EPAS1: variants seen among roughly 807,000 people sequenced by gnomAD.
EPAS1 encodes endothelial PAS domain-containing protein 1.
In EPAS1, 23 loss-of-function variants were observed where a neutral mutation model predicts 87.9. The observed-to-expected ratio is 0.26, with a 90% CI of 0.19 to 0.37. EPAS1 has a LOEUF of 0.37. Ranked by LOEUF, EPAS1 falls within the 10% of genes least tolerant of loss-of-function variation. The probability of loss-of-function intolerance (pLI) is 1.00; values close to 1 mark genes in which losing one functional copy is unlikely to be tolerated. For missense variants in EPAS1, 1,138 were observed against 1,120.7 expected, an observed-to-expected ratio of 1.02 and a Z score of -0.22; for synonymous variants, 508 against 444.3, an observed-to-expected ratio of 1.14 and a Z score of -1.80.
At chr2:46,332,273 G>GAAA (rs10566727) in intron 1 of EPAS1, among the ~76,000 whole-genome samples, 4,896 of 135,612 alleles carry the variant, frequency 0.036, 211 homozygotes, top group African/African-American at 0.06. Flanking sequence ...GTGTTTCACA[G>GAAA]AAAAAAAAAA....
chr2:46,384,713 A>T lies in EPAS1; in HGVS notation c.*53A>T, dbSNP rs1684974021. 5.6e-6 allele frequency: 9 copies of T among 1,598,946 alleles called. No homozygotes were observed. Among genetic ancestry groups the T allele is most frequent in the Middle Eastern group, 3.4e-4 (2 of 5,932 alleles). On this transcript the variant is annotated 3_prime_UTR_variant, in exon 16 of 16. Transcript: ENST00000263734. ...CTGCCGACGCCGTCCCACCAGCTTC[A>T]CTCTCTCCGTCTGTTTTTGCAACTA...
chr2:46,384,772 T>C lies in EPAS1; in HGVS notation c.*112T>C. 1 of 1,410,846 alleles carries C rather than the reference T, an allele frequency of 7.1e-7. No homozygotes were observed. The highest frequency in any genetic ancestry group is 9.7e-7 in the Non-Finnish European group (1 of 1,035,000). 87.4% of individuals were successfully genotyped at this position (1,410,846 alleles called of 1,614,324 possible). On this transcript the variant is annotated 3_prime_UTR_variant, in exon 16 of 16. Transcript: ENST00000263734. ...TAACGCCAGCACACTATTTACAAGA[T>C]GGACTTACCTGGCAGACTTGCCCAG...
rs1684721252 is a variant in EPAS1 at position 46,375,310 on chromosome 2, A to T, written c.887-380A>T. The stretch of plus-strand genomic sequence containing the variant: ...ACCCAGTGTGAAGGGGCTTCTTCTC[A>T]TTGAACCCCATGAAGAAAGTAAGGC... On this transcript the variant is annotated intron_variant, in intron 7 of 15. Coordinates refer to ENST00000263734, the MANE Select transcript of EPAS1 (RefSeq NM_001430.5). The surrounding 1 kb of genome is among the most constrained non-coding windows in gnomAD (Gnocchi z 4.1). Among the ~76,000 whole-genome samples, 1 of 151,748 alleles carries T rather than the reference A, an allele frequency of 6.6e-6. No individual in the cohort carries two copies. Among genetic ancestry groups the T allele is most frequent in the Non-Finnish European group, 1.5e-5 (1 of 67,964 alleles).
chr2:46,335,099 A>G (rs956309704), intron 1 of EPAS1, among the ~76,000 whole-genome samples: 1 of 152,130 alleles, frequency 6.6e-6, no homozygotes, highest in South Asian at 2.1e-4. Flanking sequence ...AGGGGTTATG[A>G]GGATGGGGGT....
intron 1 of EPAS1, among the ~76,000 whole-genome samples, chr2:46,323,979 G>C (rs1325850338): frequency 1.3e-5 from 2 of 152,204 alleles, no homozygotes; most frequent in African/African-American, 4.8e-5. Flanking sequence ...CAAATATTTA[G>C]TCTATGGCTA....
intron 6 of EPAS1, among the ~76,000 whole-genome samples, chr2:46,362,974 GGTAGTGGTGGTGGTGGTGGT>G (rs1684427873): frequency 1.5e-5 from 1 of 68,174 alleles, no homozygotes; most frequent in Admixed American, 1.6e-4. Context: ...TGGTGGTGGT[GGTAGTGGTGGTGGTGGTGGT>G]GGTGGTGGTG....
chr2:46,382,043 C>G lies in EPAS1; in HGVS notation c.2241C>G (p.Ser747Arg), dbSNP rs1404523928. ...GGATGAAGAACCTCAGGGGTGGGAG[C>G]TGCCCTTTGATGCCGGACAAGCCAC... ...WKRMKNLRGG[S>R]CPLMPDKPLS... Residue 747 changes from serine to arginine, a missense_variant, in exon 14 of 16, where the codon AGC becomes AGG. Transcript: ENST00000263734. 1 of 1,613,942 alleles carries G rather than the reference C, an allele frequency of 6.2e-7. No individual in the cohort carries two copies.
chr2:46,322,958 T>A (rs1683481436), intron 1 of EPAS1, among the ~76,000 whole-genome samples: 1 of 152,236 alleles, frequency 6.6e-6, no homozygotes, highest in Admixed American at 6.5e-5. Context: ...TGTACTAACC[T>A]GTATGGCCTT....
At chr2:46,311,470 C>A (rs1214964893) in intron 1 of EPAS1, among the ~76,000 whole-genome samples, 1 of 152,162 alleles carries the variant, frequency 6.6e-6, no homozygotes, top group Admixed American at 6.5e-5. Context: ...TTTCAAGAAT[C>A]TCCTAAGAAC....
intron 1 of EPAS1, among the ~76,000 whole-genome samples, chr2:46,329,794 G>A (rs1683639146): frequency 1.3e-5 from 2 of 152,120 alleles, no homozygotes; most frequent in South Asian, 4.1e-4. Flanking sequence ...TGCACTCTGG[G>A]TGACAGAGCA....
chr2:46,331,295 C>G (rs1250945229), intron 1 of EPAS1, among the ~76,000 whole-genome samples: 3 of 152,214 alleles, frequency 2.0e-5, no homozygotes, highest in Admixed American at 1.3e-4. Context: ...CCTTCTCTAT[C>G]CCCAGTGCCT....
chr2:46,362,986 G>GGTGGTGGTGGTGGTGGTGGTGGTA (rs1558603127), intron 6 of EPAS1, among the ~76,000 whole-genome samples: 1 of 94,514 alleles, frequency 1.1e-5, no homozygotes. Flanking sequence ...TAGTGGTGGT[G>GGTGGTGGTGGTGGTGGTGGTGGTA]GTGGTGGTGG....
At position 46,380,480 on chromosome 2, in the gene EPAS1, C is replaced by T; in HGVS notation, c.1808C>T (p.Pro603Leu). Residue 603 changes from proline to leucine, a missense_variant, in exon 12 of 16, where the codon CCC (proline) becomes CTC (leucine). By Grantham distance (98) the Pro-to-Leu change is moderately conservative. This residue lies in a region of EPAS1 where 502 missense variants were observed against 427.1 expected (regional missense o/e 1.18). Coordinates refer to ENST00000263734, the MANE Select transcript of EPAS1 (RefSeq NM_001430.5). The surrounding 1 kb of genome is among the most constrained non-coding windows in gnomAD (Gnocchi z 4.4). ...AAGAAGACAGAGCCCGAGCACCGGC[C>T]CATGTCCTCCATCTTCTTTGATGCC... is the stretch of plus-strand genomic sequence containing the variant. ...ESKKTEPEHRPMSSIFFDAGS... is the reference protein window; with the variant it reads ...ESKKTEPEHRLMSSIFFDAGS... 1.2e-6 allele frequency: 2 copies of T among 1,614,174 alleles called. No individual in the cohort carries two copies. Among genetic ancestry groups the T allele is most frequent in the South Asian group, 1.1e-5 (1 of 91,084 alleles).
intron 1 of EPAS1, among the ~76,000 whole-genome samples, chr2:46,299,288 G>T (rs73926252): frequency 0.07 from 10,666 of 152,216 alleles, 1,141 homozygotes; most frequent in African/African-American, 0.23. Context: ...GCCCTTCACT[G>T]CGGGATCGCT....
At chr2:46,362,126 A>T (rs1025918826) in intron 6 of EPAS1, among the ~76,000 whole-genome samples, 4 of 152,144 alleles carry the variant, frequency 2.6e-5, no homozygotes, top group African/African-American at 9.7e-5. Context: ...TTTCTGCAGC[A>T]TCTAGAGCCG....
At chr2:46,377,201 AAC>A (rs1479985899) in intron 9 of EPAS1, among the ~76,000 whole-genome samples, 1 of 152,212 alleles carries the variant, frequency 6.6e-6, no homozygotes. Flanking sequence ...TCATTCCAAA[AAC>A]ACAGAGAACA....
At position 46,377,223 on chromosome 2, in the gene EPAS1, C is replaced by T. The variant is rs565536302; in HGVS notation, c.1249+470C>T. The stretch of plus-strand genomic sequence containing the variant: ...AAAAACACAGAGAACATATTGAGGC[C>T]TGGGATTAAGCCCTCAAACCCACGA... On this transcript the variant is annotated intron_variant, in intron 9 of 15. Coordinates refer to ENST00000263734, the MANE Select transcript of EPAS1 (RefSeq NM_001430.5). Among the ~76,000 whole-genome samples the T allele has an allele frequency of 5.3e-5, 8 of 152,312 alleles. No individual in the cohort carries two copies. In the South Asian group the frequency reaches 1.2e-3, roughly 24 times the overall value.
rs978219659 is a variant in EPAS1, at chr2:46,371,990, G to C, written c.886+2057G>C. On this transcript the variant is annotated intron_variant, in intron 7 of 15. Coordinates refer to ENST00000263734, the MANE Select transcript of EPAS1 (RefSeq NM_001430.5). The surrounding 1 kb of genome is among the most constrained non-coding windows in gnomAD (Gnocchi z 4.3). The stretch of plus-strand genomic sequence containing the variant: ...GCATATAGAAAGGATTTTCCCTCTT[G>C]TTCTTCTTAGAACATCTTCAATCCA... Among the ~76,000 whole-genome samples, 1 of 152,142 alleles carries C rather than the reference G, an allele frequency of 6.6e-6. No individual in the cohort carries two copies. Among genetic ancestry groups the C allele is most frequent in the African/African-American group, 2.4e-5 (1 of 41,426 alleles).
At chr2:46,340,643 C>CT (rs950481920) in intron 1 of EPAS1, among the ~76,000 whole-genome samples, 25 of 152,286 alleles carry the variant, frequency 1.6e-4, no homozygotes, top group African/African-American at 6.0e-4. Flanking sequence ...ATATTAATGC[C>CT]TTTTTTCTCT....
Sources: gnomAD v4.1 joint callset for allele counts (sites outside exome capture counted in the v4.1 genomes callset) on GRCh38, gnomAD v4.1.1 for gene constraint, gnomAD v4.1.1 regional missense constraint, Gnocchi (gnomAD v3.1) non-coding constraint, MANE v1.5 for transcripts, NCBI Gene and HGNC (gene_info 2026-07-23, HGNC 2026-07-21) for gene names.